Variants in QRICH1 observed in about 807,000 individuals in gnomAD.
The protein encoded by QRICH1 is glutamine rich 1, also known as transcriptional regulator QRICH1.
In QRICH1, 16 loss-of-function variants were observed where a neutral mutation model predicts 87.1. The observed-to-expected ratio is 0.18, with a 90% confidence interval of 0.12 to 0.28. The LOEUF (loss-of-function observed/expected upper bound fraction) is 0.28, where lower values mean the gene tolerates loss of function less well. Among genes scored for constraint, QRICH1 ranks in the 10% least tolerant of loss-of-function variants. The pLI is 1.00. For missense variants in QRICH1, 647 were observed against 951.7 expected (o/e 0.68, Z 4.21); for synonymous variants, 367 against 368.4 (o/e 1.00, Z 0.05).
At chr3:49,037,125 T>C (rs1461362585) in intron 6 of QRICH1, among the ~76,000 whole-genome samples, 1 of 146,602 alleles carries the variant, frequency 6.8e-6, no homozygotes, top group East Asian at 2.0e-4. Context: ...TCCAAGTAAT[T>C]ATGAAGTAAT....
chr3:49,083,362 A>C (rs1003506602), intron 1 of QRICH1: 3 of 151,956 alleles, frequency 2.0e-5, no homozygotes. Flanking sequence ...TAAGTTCAGC[A>C]TCAATATGGT....
At chr3:49,053,207 G>A (rs990350868) in intron 3 of QRICH1, among the ~76,000 whole-genome samples, 10 of 152,194 alleles carry the variant, frequency 6.6e-5, no homozygotes, top group African/African-American at 2.2e-4. Flanking sequence ...AGAAAGTCTC[G>A]GCCAGGCGCG....
chr3:49,087,839 AGAAC>A (rs2042197452), intron 1 of QRICH1, among the ~76,000 whole-genome samples: 1 of 149,324 alleles, frequency 6.7e-6, no homozygotes, highest in African/African-American at 2.4e-5. Flanking sequence ...AAAAAAAAAA[AGAAC>A]AATGTCTTCT....
chr3:49,069,107 A>ATTATTAT (rs1412079462), intron 2 of QRICH1, among the ~76,000 whole-genome samples: 1 of 124,042 alleles, frequency 8.1e-6, no homozygotes, highest in African/African-American at 3.0e-5. Context: ...TATTATTATT[A>ATTATTAT]TTTTTTTTTT....
rs376660931 is a variant in QRICH1, at chr3:49,058,120, T to C, written c.310-230A>G. The stretch of plus-strand genomic sequence containing the variant: ...CCACCCCAGAGAGCAAGCAAGACAA[T>C]TAACTGGGGCCTAAAAAGGAAATAC... On this transcript the variant is annotated intron_variant, in intron 2 of 9. Coordinates refer to ENST00000395443, the MANE Select transcript of QRICH1 (RefSeq NM_198880.3). The C allele has an allele frequency of 3.6e-5, 25 of 697,408 alleles. No individual in the cohort carries two copies. The South Asian group carries it at 4.6e-4, about 13-fold the overall frequency. 43.2% of individuals were successfully genotyped at this position (697,408 alleles called of 1,614,324 possible).
At chr3:49,069,098 A>ATTTTTTTTTTTTTTTTTT (rs1470081542) in intron 2 of QRICH1, among the ~76,000 whole-genome samples, 1 of 83,882 alleles carries the variant, frequency 1.2e-5, no homozygotes, top group Non-Finnish European at 2.1e-5. Flanking sequence ...TATTATTATT[A>ATTTTTTTTTTTTTTTTTT]TTATTATTAT....
intron 2 of QRICH1, chr3:49,058,156 AATTT>A: frequency 1.9e-6 from 1 of 521,790 alleles, no homozygotes; most frequent in Non-Finnish European, 3.2e-6. Flanking sequence ...CAAAAAAAAA[AATTT>A]TTTTTTTTTA....
At chr3:49,040,665 T>C (rs2093304751) in intron 6 of QRICH1, among the ~76,000 whole-genome samples, 1 of 152,198 alleles carries the variant, frequency 6.6e-6, no homozygotes, top group South Asian at 2.1e-4. Context: ...ATAAATGTAT[T>C]TTATTAAATT....
chr3:49,090,986 G>A (rs1412703148), intron 1 of QRICH1, among the ~76,000 whole-genome samples: 1 of 152,322 alleles, frequency 6.6e-6, no homozygotes, highest in African/African-American at 2.4e-5. Flanking sequence ...ACTTTGGGAG[G>A]CCAAGGTGGG....
At position 49,093,932 on chromosome 3, in the gene QRICH1, G is replaced by A. The variant is rs2042331341; in HGVS notation, c.-42C>T. ...CTCACCCGGCGACGTCACTGCCGCC[G>A]CCGCCGCCGCCTCCGCTGCACCCGC... On this transcript the variant is annotated 5_prime_UTR_variant, in exon 1 of 10. Transcript: ENST00000395443. 3.2e-6 allele frequency: 1 copy of A among 313,120 alleles called. No homozygotes were observed. The highest frequency in any genetic ancestry group is 5.7e-6 in the Non-Finnish European group (1 of 174,286). 19.4% of individuals were successfully genotyped at this position (313,120 alleles called of 1,614,324 possible).
chr3:49,091,165 G>A (rs2042268694), intron 1 of QRICH1, among the ~76,000 whole-genome samples: 1 of 152,208 alleles, frequency 6.6e-6, no homozygotes. Context: ...AGAGGTTGCA[G>A]TGAGCCAAGA....
chr3:49,071,364 T>C (rs1008780316), intron 2 of QRICH1, among the ~76,000 whole-genome samples: 3 of 152,052 alleles, frequency 2.0e-5, no homozygotes, highest in African/African-American at 7.2e-5. Context: ...TTTAATCTTA[T>C]GAGAAAGCGG....
chr3:49,085,355 C>T (rs1278183829), intron 1 of QRICH1, among the ~76,000 whole-genome samples: 4 of 151,594 alleles, frequency 2.6e-5, no homozygotes, highest in South Asian at 2.1e-4. Flanking sequence ...CTGGCTATCA[C>T]GGTGAAACCC....
chr3:49,046,693 AG>A, intron 4 of QRICH1, 114 bp from the exon 5 acceptor site: 1 of 1,161,824 alleles, frequency 8.6e-7, no homozygotes, highest in Non-Finnish European at 1.2e-6. Flanking sequence ...TGTATCTACT[AG>A]AATGTTTCAT....
chr3:49,032,236 T>C lies in QRICH1; in HGVS notation c.2085A>G (p.Pro695=), dbSNP rs775342473. The change falls in exon 9 of 10, where the codon CCA becomes CCG. Residue 695 remains proline (P), a synonymous_variant. Transcript: ENST00000395443. ...TGATGGGACATCTCAATGGATTCTC[T>C]GGATTTTCCGTCTGTTCTGCATACA... ...DDMYAEQTEN[P]ENPLRCPIKL... The C allele has an allele frequency of 8.7e-6, 14 of 1,613,910 alleles. No homozygotes were observed. The South Asian group carries it at 1.2e-4, about 14-fold the overall frequency.
At chr3:49,059,415 C>G (rs9841640) in intron 2 of QRICH1, among the ~76,000 whole-genome samples, 1 of 151,056 alleles carries the variant, frequency 6.6e-6, no homozygotes, top group South Asian at 2.1e-4. Flanking sequence ...CACCACCACA[C>G]CCAGCTAATT....
chr3:49,043,264 G>A (rs1368788340), intron 6 of QRICH1, among the ~76,000 whole-genome samples: 1 of 151,788 alleles, frequency 6.6e-6, no homozygotes. Context: ...GGGAGGCCGA[G>A]GTGGGCGGAT....
intron 2 of QRICH1, among the ~76,000 whole-genome samples, chr3:49,067,310 G>GT (rs1173035497): frequency 1.3e-5 from 2 of 151,710 alleles, no homozygotes; most frequent in Non-Finnish European, 2.9e-5. Context: ...GCTCACGCCT[G>GT]TAATCCCAGC....
intron 6 of QRICH1, among the ~76,000 whole-genome samples, chr3:49,034,052 TAAAG>T (rs2093259304): frequency 6.7e-6 from 1 of 149,486 alleles, no homozygotes; most frequent in Non-Finnish European, 1.5e-5. Flanking sequence ...CTTCTCTAGA[TAAAG>T]AGACTGATAC....
Sources: allele counts gnomAD v4.1 joint callset (sites outside exome capture counted in the v4.1 genomes callset), GRCh38; gene constraint gnomAD v4.1.1; transcripts MANE v1.5; gene names NCBI Gene and HGNC (gene_info 2026-07-23, HGNC 2026-07-21).